BORCS5: variants seen among roughly 807,000 people sequenced by gnomAD.
The protein encoded by BORCS5 is BLOC-1-related complex subunit 5.
BORCS5 carries 17 observed loss-of-function variants against 22.1 expected under a neutral mutation model. The ratio of observed to expected loss-of-function variants is 0.77; its 90% CI spans 0.53 to 1.15. BORCS5 has a LOEUF of 1.15. Among genes scored for constraint, BORCS5 ranks in the 50% most tolerant of loss-of-function variants. The pLI is 0.00. For synonymous variants in BORCS5, 117 were observed against 99.8 expected (o/e 1.17, Z -1.03); for missense variants, 247 against 253.2 (o/e 0.98, Z 0.17).
chr12:12,368,799 C>T (rs1319880409), intron 2 of BORCS5, among the ~76,000 whole-genome samples: 3 of 151,934 alleles, frequency 2.0e-5, no homozygotes, highest in Admixed American at 6.6e-5. Context: ...TCTATACAGT[C>T]GCTTTAAATT....
At chr12:12,384,385 C>T (rs1227879012) in intron 2 of BORCS5, among the ~76,000 whole-genome samples, 1 of 149,000 alleles carries the variant, frequency 6.7e-6, no homozygotes, top group Non-Finnish European at 1.5e-5. Flanking sequence ...TTCTGTAGTT[C>T]TGTGAGCTTA....
chr12:12,382,177 A>G (rs1188560264), intron 2 of BORCS5, among the ~76,000 whole-genome samples: 2 of 151,474 alleles, frequency 1.3e-5, no homozygotes, highest in African/African-American at 4.9e-5. Context: ...TGCAAGCTGT[A>G]TAAGAAGTGT....
At chr12:12,412,900 C>CTTTTTTTTTTTTTTTTTTTTTTTTTGTT (rs869045354) in intron 2 of BORCS5, among the ~76,000 whole-genome samples, 2 of 74,174 alleles carry the variant, frequency 2.7e-5, no homozygotes, top group Non-Finnish European at 5.0e-5. Flanking sequence ...TTGTGGTTTT[C>CTTTTTTTTTTTTTTTTTTTTTTTTTGTT]TTTTTTTTTT....
intron 3 of BORCS5, among the ~76,000 whole-genome samples, chr12:12,463,156 C>G (rs1943141992): frequency 1.3e-5 from 2 of 152,174 alleles, no homozygotes; most frequent in Admixed American, 1.3e-4. Flanking sequence ...GGTTTACTGC[C>G]TACAGTCACA....
chr12:12,452,054 AC>A (rs1942921723), intron 3 of BORCS5: 1 of 413,102 alleles, frequency 2.4e-6, no homozygotes, highest in Non-Finnish European at 4.7e-6. Context: ...TGGTAAACTT[AC>A]GTGACTTTCC....
intron 2 of BORCS5, among the ~76,000 whole-genome samples, chr12:12,386,366 G>T (rs116183944): frequency 0.011 from 1,577 of 147,674 alleles, 57 homozygotes; most frequent in African/African-American, 0.039. Flanking sequence ...TTTTATATAT[G>T]TTGAAAATCT....
intron 2 of BORCS5, among the ~76,000 whole-genome samples, chr12:12,380,042 G>A (rs1258063052): frequency 6.6e-6 from 1 of 151,212 alleles, no homozygotes; most frequent in Non-Finnish European, 1.5e-5. Context: ...CCAAGGAGAG[G>A]GTGATAGCCG....
chr12:12,385,375 G>A (rs1592072726), intron 2 of BORCS5, among the ~76,000 whole-genome samples: 1 of 151,460 alleles, frequency 6.6e-6, no homozygotes, highest in Non-Finnish European at 1.5e-5. Flanking sequence ...GTCAGCAGCC[G>A]CTTCCTGCTA....
At chr12:12,434,524 G>A (rs1018156869) in intron 2 of BORCS5, among the ~76,000 whole-genome samples, 2 of 152,202 alleles carry the variant, frequency 1.3e-5, no homozygotes, top group Non-Finnish European at 2.9e-5. Flanking sequence ...GAAGTGTCCA[G>A]TGGAGTTTTC....
At chr12:12,418,347 T>C (rs1301827091) in intron 2 of BORCS5, among the ~76,000 whole-genome samples, 2 of 152,052 alleles carry the variant, frequency 1.3e-5, no homozygotes, top group Non-Finnish European at 1.5e-5. Context: ...CTGAACCTTT[T>C]ATTAATATAT....
In BORCS5 at chr12:12,467,480, G is replaced by C. The variant is rs1480589321; in HGVS notation, c.*1704G>C. ...CACAAACAAACCACGCAGTCAGCCA[G>C]CTCTCCAGCCAACTGTGTCTACTTC... On this transcript the variant is annotated 3_prime_UTR_variant, in exon 4 of 4. Transcript: ENST00000314565. 3.3e-5 allele frequency: 5 copies of C among 152,272 alleles called. No individual in the cohort carries two copies. The highest frequency in any genetic ancestry group is 5.9e-5 in the Non-Finnish European group (4 of 68,082). The allele number at this position is 152,272 out of a possible 1,614,324, so 9.4% of individuals were successfully genotyped here.
intron 2 of BORCS5, among the ~76,000 whole-genome samples, chr12:12,427,689 T>C (rs1942324484): frequency 6.6e-6 from 1 of 152,214 alleles, no homozygotes; most frequent in Non-Finnish European, 1.5e-5. Context: ...CAAGCATTTA[T>C]CTCTGATAGT....
chr12:12,380,829 G>A (rs1467452730), intron 2 of BORCS5, among the ~76,000 whole-genome samples: 1 of 151,144 alleles, frequency 6.6e-6, no homozygotes. Flanking sequence ...TTTCTCTAAT[G>A]ATGTTGAGAT....
At chr12:12,441,532 G>A (rs1434514744) in intron 3 of BORCS5, among the ~76,000 whole-genome samples, 1 of 95,166 alleles carries the variant, frequency 1.1e-5, no homozygotes, top group African/African-American at 5.8e-5. Flanking sequence ...AGTAGACACT[G>A]TAGTGTTAGC....
chr12:12,452,133 A>G (rs2136147908), intron 3 of BORCS5: 2 of 547,614 alleles, frequency 3.7e-6, no homozygotes, highest in East Asian at 9.5e-5. Flanking sequence ...TTGGCACTTT[A>G]TAGTAATGTC....
intron 1 of BORCS5, among the ~76,000 whole-genome samples, chr12:12,360,965 C>T (rs981410454): frequency 5.3e-5 from 8 of 152,128 alleles, no homozygotes; most frequent in African/African-American, 1.9e-4. Flanking sequence ...AGGTGATCTG[C>T]CCACCTCGGC....
At chr12:12,424,131 C>T (rs1163632840) in intron 2 of BORCS5, among the ~76,000 whole-genome samples, 1 of 152,048 alleles carries the variant, frequency 6.6e-6, no homozygotes, top group Non-Finnish European at 1.5e-5. Context: ...GATGTTTTCT[C>T]TCCCTTTCTC....
chr12:12,426,176 A>G (rs1213601025), intron 2 of BORCS5, among the ~76,000 whole-genome samples: 1 of 152,182 alleles, frequency 6.6e-6, no homozygotes, highest in African/African-American at 2.4e-5. Context: ...CTAGTCTGGT[A>G]AGTTCAAACA....
chr12:12,460,428 G>T (rs1367251197), intron 3 of BORCS5, among the ~76,000 whole-genome samples: 1 of 152,152 alleles, frequency 6.6e-6, no homozygotes, highest in Non-Finnish European at 1.5e-5. Flanking sequence ...GTATTATCAT[G>T]TCATCTGCAG....
Sources: allele counts gnomAD v4.1 joint callset (sites outside exome capture counted in the v4.1 genomes callset), GRCh38; gene constraint gnomAD v4.1.1; transcripts MANE v1.5; gene names NCBI Gene and HGNC (gene_info 2026-07-23, HGNC 2026-07-21).